The following CDH7 variants were observed in gnomAD, a reference collection of about 807,000 sequenced individuals.
CDH7 encodes the protein cadherin 7, also known as cadherin-7.
Under a neutral mutation model 71.8 loss-of-function variants are expected in CDH7, and 25 were observed. The ratio of observed to expected loss-of-function variants is 0.35; its 90% CI spans 0.25 to 0.49. CDH7 has a LOEUF of 0.49. CDH7 is among the 20% of genes least tolerant of loss of function. The pLI, the probability that CDH7 is intolerant of heterozygous loss-of-function variation, is 0.99. For synonymous variants in CDH7, 381 were observed against 363.8 expected, an observed-to-expected ratio of 1.05 and a Z score of -0.54; for missense variants, 862 against 974.6, an observed-to-expected ratio of 0.88 and a Z score of 1.54.
chr18:65,786,590 A>G (rs1273254859), intron 2 of CDH7, among the ~76,000 whole-genome samples: 1 of 152,184 alleles, frequency 6.6e-6, no homozygotes, highest in Non-Finnish European at 1.5e-5. Context: ...GTTTAAAATG[A>G]TGTTGTAAAA....
intron 4 of CDH7, among the ~76,000 whole-genome samples, chr18:65,820,790 G>T (rs12969069): frequency 0.88 from 133,142 of 152,074 alleles, 59,550 homozygotes; most frequent in East Asian, 0.99. Flanking sequence ...GATGCTATAT[G>T]TCCTTTCAAA....
intron 6 of CDH7, among the ~76,000 whole-genome samples, chr18:65,842,136 A>G (rs1912755813): frequency 6.6e-6 from 1 of 152,034 alleles, no homozygotes; most frequent in Admixed American, 6.6e-5. Context: ...GTATAGTTCA[A>G]TTTTCAGCCT....
intron 3 of CDH7, among the ~76,000 whole-genome samples, chr18:65,812,616 A>T (rs1371124690): frequency 1.3e-5 from 2 of 152,188 alleles, no homozygotes; most frequent in African/African-American, 4.8e-5. Flanking sequence ...ACACACTAGT[A>T]AGCCTTTAGG....
intron 2 of CDH7, among the ~76,000 whole-genome samples, chr18:65,792,221 A>C (rs1910739974): frequency 6.9e-6 from 1 of 144,154 alleles, no homozygotes. Flanking sequence ...TAAGACTGAC[A>C]AAATAGGGAA....
At chr18:65,859,274 C>T (rs573289567) in intron 9 of CDH7, among the ~76,000 whole-genome samples, 1 of 152,288 alleles carries the variant, frequency 6.6e-6, no homozygotes, top group African/African-American at 2.4e-5. Flanking sequence ...ATTGTAAAAG[C>T]TCTGTTAAAT....
At position 65,883,722 on chromosome 18, in the gene CDH7, C is replaced by T. The variant is rs999967162; in HGVS notation, c.*2828C>T. 4 of 151,934 alleles carry T rather than the reference C, an allele frequency of 2.6e-5. No individual in the cohort carries two copies. The highest frequency in any genetic ancestry group is 9.7e-5 in the African/African-American group (4 of 41,378). The allele number at this position is 151,934 out of a possible 1,614,324, so 9.4% of individuals were successfully genotyped here. A position where few individuals can be genotyped will look rare whatever the true frequency, so the allele number is the denominator to read the frequency against. ...GGAGAACAAGTTGTTAAACATTTACCAGCACTCTACTGCTTAAATTATTTT... is the reference window on the plus strand; with the variant it reads ...GGAGAACAAGTTGTTAAACATTTACTAGCACTCTACTGCTTAAATTATTTT... On this transcript the variant is annotated 3_prime_UTR_variant, in exon 12 of 12. Transcript: ENST00000397968.
At chr18:65,813,436 A>G (rs925092292) in intron 3 of CDH7, among the ~76,000 whole-genome samples, 54 of 152,240 alleles carry the variant, frequency 3.5e-4, no homozygotes, top group African/African-American at 1.3e-3. Context: ...TGGAATTGGC[A>G]ATGAAATATA....
rs1913640785 is a variant in CDH7 at position 65,863,182 on chromosome 18, G to A, written c.1864+265G>A. On this transcript the variant is annotated intron_variant, in intron 11 of 11. Transcript: ENST00000397968. ...CCTCCCGAGTAGCTGGGATTACAGG[G>A]GTGCACCACCACACCCAGCTAACTT... 1.0e-5 allele frequency: 5 copies of A among 491,902 alleles called. No homozygotes were observed. In the South Asian group the frequency reaches 1.2e-4, roughly 12 times the overall value. The allele number at this position is 491,902 out of a possible 1,614,324, so 30.5% of individuals were successfully genotyped here.
At chr18:65,781,864 T>C (rs868414195) in intron 2 of CDH7, among the ~76,000 whole-genome samples, 1,364 of 54,588 alleles carry the variant, frequency 0.025, 217 homozygotes, top group African/African-American at 0.19. Context: ...CTTTCTTTCT[T>C]TCTCTCTCTC....
intron 7 of CDH7, among the ~76,000 whole-genome samples, chr18:65,854,133 G>A (rs973611810): frequency 4.6e-5 from 7 of 150,770 alleles, no homozygotes; most frequent in African/African-American, 7.3e-5. Context: ...TAGTGAGACC[G>A]TATCTCTACA....
intron 1 of CDH7, among the ~76,000 whole-genome samples, chr18:65,757,079 ATTGT>A (rs1002918547): frequency 1.3e-5 from 2 of 150,246 alleles, no homozygotes; most frequent in African/African-American, 2.5e-5. Flanking sequence ...ACCTTTAGTC[ATTGT>A]TTGTAAGTTT....
At chr18:65,818,454 A>G (rs1911800805) in intron 4 of CDH7, among the ~76,000 whole-genome samples, 1 of 152,204 alleles carries the variant, frequency 6.6e-6, no homozygotes, top group African/African-American at 2.4e-5. Flanking sequence ...ATAACATAAC[A>G]GGTGATCATA....
At chr18:65,755,524 A>G (rs1916006137) in intron 1 of CDH7, among the ~76,000 whole-genome samples, 1 of 152,222 alleles carries the variant, frequency 6.6e-6, no homozygotes, top group Non-Finnish European at 1.5e-5. Flanking sequence ...TGTCCTGAAT[A>G]GTGTGGCTGG....
chr18:65,812,161 G>T (rs1911567380), intron 3 of CDH7, among the ~76,000 whole-genome samples: 1 of 151,720 alleles, frequency 6.6e-6, no homozygotes, highest in Admixed American at 6.6e-5. Flanking sequence ...TAGAAATGGG[G>T]TTTCACCATG....
rs1283472357 is a variant in CDH7 at position 65,882,457 on chromosome 18, T to A, written c.*1563T>A. 1 of 152,136 alleles carries A rather than the reference T, an allele frequency of 6.6e-6. No homozygotes were observed. Among genetic ancestry groups the A allele is most frequent in the Non-Finnish European group, 1.5e-5 (1 of 67,978 alleles). The allele number at this position is 152,136 out of a possible 1,614,324, so 9.4% of individuals were successfully genotyped here. On this transcript the variant is annotated 3_prime_UTR_variant, in exon 12 of 12. Transcript: ENST00000397968. ...ATAGTAAACACTGTGTAGAGAATCA[T>A]GTTCTAAAAGTGCTTTTTGAAAGGT...
At chr18:65,775,135 T>C (rs1909889543) in intron 2 of CDH7, among the ~76,000 whole-genome samples, 1 of 152,164 alleles carries the variant, frequency 6.6e-6, no homozygotes, top group Non-Finnish European at 1.5e-5. Context: ...AATTCCTATG[T>C]TGTATGATTG....
intron 6 of CDH7, among the ~76,000 whole-genome samples, chr18:65,834,425 C>T (rs1392751568): frequency 1.3e-5 from 2 of 151,976 alleles, no homozygotes; most frequent in African/African-American, 4.8e-5. Context: ...ATGGAGGGCA[C>T]AAATGAAATG....
At position 65,867,634 on chromosome 18, in the gene CDH7, G is replaced by A. The variant is rs139742887; in HGVS notation, c.1864+4717G>A. On this transcript the variant is annotated intron_variant, in intron 11 of 11. Transcript: ENST00000397968. ...TACAGCTAAATTCTTTCTGTTCCTC[G>A]GCATACACAAAAATAAAACCTGTTT... 6.7e-3 allele frequency among the ~76,000 whole-genome samples: 1,016 copies of A among 151,794 alleles called. 6 individuals are homozygous for A. Among genetic ancestry groups the A allele is most frequent in the African/African-American group, 0.023 (953 of 41,358 alleles).
chr18:65,808,723 A>T (rs748786044), intron 2 of CDH7, among the ~76,000 whole-genome samples: 40 of 152,178 alleles, frequency 2.6e-4, no homozygotes, highest in Non-Finnish European at 3.8e-4. Flanking sequence ...TTGTCTTTTA[A>T]AAAATGCAAA....
Sources: gnomAD v4.1 joint callset for allele counts (sites outside exome capture counted in the v4.1 genomes callset) on GRCh38, gnomAD v4.1.1 for gene constraint, MANE v1.5 for transcripts, NCBI Gene and HGNC (gene_info 2026-07-23, HGNC 2026-07-21) for gene names.